Variants in OR3A2 observed in about 807,000 individuals in gnomAD.
OR3A2 encodes the protein olfactory receptor 3A2.
For missense variants in OR3A2, 318 were observed against 392.8 expected (o/e 0.81, Z 1.61); for synonymous variants, 126 against 159.3 (o/e 0.79, Z 1.57).
At chr17:3,373,031 T>A (rs1275637980) in intron 2 of OR3A2, among the ~76,000 whole-genome samples, 1 of 152,250 alleles carries the variant, frequency 6.6e-6, no homozygotes, top group Admixed American at 6.5e-5. Context: ...ATAATTTTTT[T>A]AATTTCCATC....
At chr17:3,347,784 A>G (rs151187) in intron 2 of OR3A2, among the ~76,000 whole-genome samples, 102,194 of 152,076 alleles carry the variant, frequency 0.67, 35,536 homozygotes, top group East Asian at 1. Flanking sequence ...TGGGTCAAAT[A>G]CTATGTCTAG....
intron 1 of OR3A2, among the ~76,000 whole-genome samples, chr17:3,282,959 T>C (rs1259904328): frequency 1.3e-5 from 2 of 152,164 alleles, no homozygotes; most frequent in African/African-American, 4.8e-5. Context: ...AATCCTTCCT[T>C]GAAACTTCTC....
intron 2 of OR3A2, among the ~76,000 whole-genome samples, chr17:3,345,520 T>C (rs2049356464): frequency 6.6e-6 from 1 of 151,484 alleles, no homozygotes; most frequent in Non-Finnish European, 1.5e-5. Flanking sequence ...TAAGCAGCCT[T>C]AGAAAGTGAA....
chr17:3,376,377 T>C (rs973730719), intron 2 of OR3A2, among the ~76,000 whole-genome samples: 2 of 152,178 alleles, frequency 1.3e-5, no homozygotes, highest in Admixed American at 1.3e-4. Context: ...TGTCTTTGGC[T>C]ACCAGGGTGG....
At chr17:3,320,954 A>G (rs370416241) in intron 3 of OR3A2, among the ~76,000 whole-genome samples, 70 of 145,378 alleles carry the variant, frequency 4.8e-4, no homozygotes, top group South Asian at 1.1e-3. Context: ...CATTGAATCT[A>G]TAAATTACCT....
At chr17:3,361,925 C>T (rs993696412) in intron 2 of OR3A2, among the ~76,000 whole-genome samples, 5 of 151,674 alleles carry the variant, frequency 3.3e-5, no homozygotes, top group South Asian at 4.1e-4. Flanking sequence ...ATGATGCTGG[C>T]CTCATAAAAT....
At position 3,357,525 on chromosome 17, in the gene OR3A2, A is replaced by G. The variant is rs185208357; in HGVS notation, c.-178-21399T>C. Among the ~76,000 whole-genome samples the G allele has an allele frequency of 3.6e-4, 55 of 151,648 alleles. 1 individual carries two copies. The highest frequency in any genetic ancestry group is 1.2e-3 in the African/African-American group (48 of 41,008). ...CTAGAATAGTCAAACTCAAAGAGACAAGGTAGAATGGTGGTTGCCAGAGGC... is the reference window on the plus strand; with the variant it reads ...CTAGAATAGTCAAACTCAAAGAGACGAGGTAGAATGGTGGTTGCCAGAGGC... On this transcript the variant is annotated intron_variant, in intron 2 of 4. Transcript: ENST00000573491.
chr17:3,329,951 G>C (rs1262310917), intron 3 of OR3A2, among the ~76,000 whole-genome samples: 4 of 144,092 alleles, frequency 2.8e-5, no homozygotes, highest in Middle Eastern at 3.2e-3. Flanking sequence ...CTTTATTTCT[G>C]CCTTCATTTC....
intron 3 of OR3A2, among the ~76,000 whole-genome samples, chr17:3,331,028 T>C (rs1380949214): frequency 6.6e-5 from 10 of 152,232 alleles, no homozygotes; most frequent in Non-Finnish European, 1.0e-4. Context: ...TTTAAGAATG[T>C]TGACTATTGG....
At chr17:3,313,683 TC>T (rs2049060726) in intron 3 of OR3A2, among the ~76,000 whole-genome samples, 1 of 152,226 alleles carries the variant, frequency 6.6e-6, no homozygotes, top group Non-Finnish European at 1.5e-5. Context: ...TATTCAGTGT[TC>T]TTAATCTCCT....
chr17:3,357,451 G>A (rs929354036), intron 2 of OR3A2, among the ~76,000 whole-genome samples: 2 of 151,688 alleles, frequency 1.3e-5, no homozygotes, highest in African/African-American at 4.9e-5. Context: ...CAAAGGATAA[G>A]CTGCACACAA....
rs148900021 is a variant in OR3A2, at chr17:3,323,324, G to T, written c.-85+12709C>A. Among the ~76,000 whole-genome samples the T allele has an allele frequency of 3.7e-4, 57 of 152,106 alleles. 1 individual carries two copies. The highest frequency in any genetic ancestry group is 1.2e-3 in the African/African-American group (51 of 41,394). The stretch of plus-strand genomic sequence containing the variant: ...GACTCTTTATCCAATTTGCCAGTCT[G>T]TGTCTTTTAATTGGAGCATTTAGTC... On this transcript the variant is annotated intron_variant, in intron 3 of 4. Coordinates refer to the OR3A2 transcript ENST00000573491.
chr17:3,332,593 C>T (rs1247379036), intron 3 of OR3A2, among the ~76,000 whole-genome samples: 1 of 152,204 alleles, frequency 6.6e-6, no homozygotes, highest in Non-Finnish European at 1.5e-5. Flanking sequence ...GACCTGCGCC[C>T]ACTGTCTGGC....
intron 3 of OR3A2, among the ~76,000 whole-genome samples, chr17:3,306,035 T>C (rs952318394): frequency 5.3e-5 from 8 of 152,088 alleles, no homozygotes; most frequent in African/African-American, 1.7e-4. Flanking sequence ...AAGAGGAGCA[T>C]TTGGTGTGCG....
intron 1 of OR3A2, among the ~76,000 whole-genome samples, chr17:3,281,661 T>TTC (rs2307965): frequency 0.78 from 118,268 of 151,950 alleles, 46,743 homozygotes; most frequent in East Asian, 1. Flanking sequence ...TTGTTTTGTT[T>TTC]TCTCATTTTA....
In OR3A2 at chr17:3,342,392, A is replaced by G. The variant is rs563461934; in HGVS notation, c.-178-6266T>C. 3.5e-4 allele frequency among the ~76,000 whole-genome samples: 53 copies of G among 152,270 alleles called. 1 individual carries two copies. In the South Asian group the frequency reaches 9.5e-3, roughly 27 times the overall value. On this transcript the variant is annotated intron_variant, in intron 2 of 4. Transcript: ENST00000573491. ...AGCTTTTCTCCTCTGGTTTCTCCCC[A>G]TCTTTGTGGTTTTATCTACCTCTGG... is the stretch of plus-strand genomic sequence containing the variant.
At chr17:3,362,193 T>C (rs576647347) in intron 2 of OR3A2, among the ~76,000 whole-genome samples, 1 of 151,924 alleles carries the variant, frequency 6.6e-6, no homozygotes, top group African/African-American at 2.4e-5. Flanking sequence ...GATTTTCTAG[T>C]TTATTTGCGT....
At chr17:3,297,521 C>A (rs2048928814) in intron 3 of OR3A2, among the ~76,000 whole-genome samples, 1 of 147,914 alleles carries the variant, frequency 6.8e-6, no homozygotes, top group Non-Finnish European at 1.5e-5. Flanking sequence ...TTTCCTGGTC[C>A]TGCCCCATCT....
chr17:3,301,138 G>A (rs1409873743), intron 3 of OR3A2, among the ~76,000 whole-genome samples: 1 of 152,146 alleles, frequency 6.6e-6, no homozygotes, highest in African/African-American at 2.4e-5. Flanking sequence ...TGTGAATGGT[G>A]CCACAATAAA....
Sources: allele counts gnomAD v4.1 joint callset (sites outside exome capture counted in the v4.1 genomes callset), GRCh38; gene constraint gnomAD v4.1.1; transcripts MANE v1.5; gene names NCBI Gene and HGNC (gene_info 2026-07-23, HGNC 2026-07-21).